The following FRMD6 variants were observed in gnomAD, a reference collection of about 807,000 sequenced individuals.
FRMD6 encodes the protein FERM domain-containing protein 6.
A neutral mutation model predicts 73.2 loss-of-function variants in FRMD6; 37 were observed. That is an observed-to-expected ratio of 0.51 (90% CI 0.39 to 0.66). The LOEUF (loss-of-function observed/expected upper bound fraction) is 0.66. FRMD6 is among the 30% of genes least tolerant of loss of function. The pLI is 0.00. For missense variants in FRMD6, 714 were observed against 780.5 expected, an observed-to-expected ratio of 0.91 and a Z score of 1.02; for synonymous variants, 273 against 282.2, an observed-to-expected ratio of 0.97 and a Z score of 0.33.
At chr14:51,502,645 T>C (rs1883689592) in intron 1 of FRMD6, among the ~76,000 whole-genome samples, 1 of 152,220 alleles carries the variant, frequency 6.6e-6, no homozygotes, top group Non-Finnish European at 1.5e-5. Flanking sequence ...TGACTCCAGC[T>C]TTCTTCTTCT....
At chr14:51,610,554 C>T (rs72673997) in intron 2 of FRMD6, among the ~76,000 whole-genome samples, 20,666 of 152,032 alleles carry the variant, frequency 0.14, 1,527 homozygotes, top group Non-Finnish European at 0.17. Context: ...CCAGGATCCC[C>T]AACATTGCTC....
intron 2 of FRMD6, among the ~76,000 whole-genome samples, chr14:51,628,948 C>G (rs571352490): frequency 7.3e-6 from 1 of 137,298 alleles, no homozygotes. Context: ...GCAATCTCGG[C>G]TCACTGCAAG....
rs1019349783 is a variant in FRMD6, at chr14:51,607,287, A to T, written c.-147+36877A>T. Among the ~76,000 whole-genome samples the T allele has an allele frequency of 2.6e-5, 4 of 152,238 alleles. No homozygotes were observed. In the South Asian group the frequency reaches 6.2e-4, roughly 24 times the overall value. On this transcript the variant is annotated intron_variant, in intron 2 of 14. Coordinates refer to the FRMD6 transcript ENST00000356218. ...ATCCATGTATGTGCAGGATCAGACG[A>T]CTTCTTCCATGTCTTCTGACTCACA...
intron 2 of FRMD6, among the ~76,000 whole-genome samples, chr14:51,631,519 G>A (rs957304924): frequency 1.3e-5 from 2 of 152,186 alleles, no homozygotes; most frequent in Non-Finnish European, 2.9e-5. Context: ...GAAGCTAAGG[G>A]TTGTTCATGC....
intron 2 of FRMD6, among the ~76,000 whole-genome samples, chr14:51,592,369 C>T (rs754975419): frequency 9.9e-5 from 15 of 152,184 alleles, no homozygotes; most frequent in Non-Finnish European, 1.9e-4. Flanking sequence ...ATTATCTGAA[C>T]TAAACTAAAA....
At chr14:51,491,002 G>C (rs1413252519) in intron 1 of FRMD6, among the ~76,000 whole-genome samples, 1 of 152,120 alleles carries the variant, frequency 6.6e-6, no homozygotes, top group East Asian at 1.9e-4. Context: ...CTAAGGCAGG[G>C]ACCAAATACC....
intron 1 of FRMD6, among the ~76,000 whole-genome samples, chr14:51,652,921 C>G (rs1892534040): frequency 6.6e-6 from 1 of 152,202 alleles, no homozygotes; most frequent in South Asian, 2.1e-4. Flanking sequence ...GGGAAAATGT[C>G]AAAATAAGCA....
chr14:51,613,087 T>C (rs377437235), intron 2 of FRMD6, among the ~76,000 whole-genome samples: 1 of 152,032 alleles, frequency 6.6e-6, no homozygotes, highest in Admixed American at 6.6e-5. Context: ...ATTGAGACAG[T>C]TTATGGAGGA....
Position 51,493,864 on chromosome 14 carries a change from G to T in FRMD6, c.-210+4444G>T, listed in dbSNP as rs146236781. On this transcript the variant is annotated intron_variant, in intron 1 of 14. Coordinates refer to the FRMD6 transcript ENST00000356218. ...ATAATAAAATATCATAAATTTGCATGGCTTATGAACAATAGAAATTTATTT... is the reference window on the plus strand; with the variant it reads ...ATAATAAAATATCATAAATTTGCATTGCTTATGAACAATAGAAATTTATTT... 6.4e-4 allele frequency among the ~76,000 whole-genome samples: 97 copies of T among 152,194 alleles called. 1 individual carries two copies. In the South Asian group the frequency reaches 6.6e-3, roughly 10 times the overall value.
At chr14:51,538,190 A>G (rs1453710710) in intron 1 of FRMD6, among the ~76,000 whole-genome samples, 3 of 152,186 alleles carry the variant, frequency 2.0e-5, no homozygotes, top group African/African-American at 7.2e-5. Flanking sequence ...TGAAAGGTAC[A>G]AAGTCTGTGT....
intron 2 of FRMD6, among the ~76,000 whole-genome samples, chr14:51,585,753 T>C (rs1033554656): frequency 1.3e-5 from 2 of 151,636 alleles, no homozygotes; most frequent in Non-Finnish European, 2.9e-5. Context: ...TATTTCACTC[T>C]GTATGGTCAT....
the FRMD6 span, among the ~76,000 whole-genome samples, chr14:51,406,899 T>A: frequency 6.6e-6 from 1 of 152,166 alleles, no homozygotes; most frequent in Non-Finnish European, 1.5e-5. Flanking sequence ...TTGTTTAAAA[T>A]CTCATTTTAG....
At chr14:51,547,643 G>T (rs534097672) in intron 1 of FRMD6, 1 of 152,014 alleles carries the variant, frequency 6.6e-6, no homozygotes, top group East Asian at 1.9e-4. Context: ...TCTATCCCCT[G>T]GGAACTTTCT....
chr14:51,433,506 C>T, the FRMD6 span, among the ~76,000 whole-genome samples: 1 of 152,174 alleles, frequency 6.6e-6, no homozygotes, highest in Non-Finnish European at 1.5e-5. Context: ...TCATATCATA[C>T]TAAATACATA....
the FRMD6 span, among the ~76,000 whole-genome samples, chr14:51,405,503 C>T: frequency 6.6e-6 from 1 of 151,918 alleles, no homozygotes; most frequent in African/African-American, 2.4e-5. Flanking sequence ...TAATAATAGC[C>T]ATTTTGACTG....
chr14:51,463,092 T>C, the FRMD6 span, among the ~76,000 whole-genome samples: 1 of 152,214 alleles, frequency 6.6e-6, no homozygotes, highest in Non-Finnish European at 1.5e-5. Flanking sequence ...GTTGAAAACA[T>C]GAAAAGGACA....
At position 51,567,987 on chromosome 14, in the gene FRMD6, C is replaced by T. The variant is rs188372871; in HGVS notation, c.-209-2361C>T. ...TATACTAGGAATGAGTTTCGTGTCT[C>T]GAAGTTCCTGAATTTCTAGCCTAGG... On this transcript the variant is annotated intron_variant, in intron 1 of 14. Transcript: ENST00000356218. Among the ~76,000 whole-genome samples the T allele has an allele frequency of 4.5e-4, 68 of 152,320 alleles. No homozygotes were observed. In the East Asian group the frequency reaches 0.013, roughly 28 times the overall value.
At chr14:51,620,257 C>T (rs1269295060) in intron 2 of FRMD6, among the ~76,000 whole-genome samples, 3 of 152,086 alleles carry the variant, frequency 2.0e-5, no homozygotes, top group African/African-American at 7.2e-5. Flanking sequence ...GGGAATGTCT[C>T]CTCTAGAATT....
chr14:51,508,447 T>A (rs1478641210), intron 1 of FRMD6, among the ~76,000 whole-genome samples: 2 of 152,230 alleles, frequency 1.3e-5, no homozygotes, highest in Non-Finnish European at 2.9e-5. Context: ...GAGCCCCGTG[T>A]GTTTCCTTCC....
Sources: allele counts gnomAD v4.1 joint callset (sites outside exome capture counted in the v4.1 genomes callset), GRCh38; gene constraint gnomAD v4.1.1; transcripts MANE v1.5; gene names NCBI Gene and HGNC (gene_info 2026-07-23, HGNC 2026-07-21).